Variants in FANCA observed in about 807,000 individuals in gnomAD.
FANCA encodes the protein FA complementation group A.
In FANCA, 236 loss-of-function variants were observed where a neutral mutation model predicts 194.3. The observed-to-expected ratio is 1.21, with a 90% CI of 1.09 to 1.35. The LOEUF (loss-of-function observed/expected upper bound fraction) is 1.35, where lower values mean the gene tolerates loss of function less well. FANCA is among the 40% of genes most tolerant of loss of function. The pLI is 0.00. For missense variants in FANCA, 2,628 were observed against 1,813.9 expected, an observed-to-expected ratio of 1.45 and a Z score of -8.15; for synonymous variants, 1,014 against 715.8, an observed-to-expected ratio of 1.42 and a Z score of -6.65.
rs908171971 is a variant in FANCA, at chr16:89,765,049, G to C, written c.2619C>G (p.Phe873Leu). The part of the protein sequence containing the change: ...GLIKKFQFLM[F>L]RLFSEARQPL... ...GCTGTCGGGCCTCTGAGAACAATCT[G>C]AACATGAGGAACTGAAACTGAAACA... The change falls in exon 28 of 43, where the codon TTC (phenylalanine) becomes TTG (leucine). Residue 873 changes from phenylalanine to leucine, a missense_variant. By Grantham distance (22) the Phe-to-Leu change is conservative (BLOSUM62 0). Transcript: ENST00000389301. 1.2e-6 allele frequency: 2 copies of C among 1,614,016 alleles called. No individual in the cohort carries two copies. Among genetic ancestry groups the C allele is most frequent in the African/African-American group, 2.7e-5 (2 of 74,940 alleles).
At chr16:89,755,893 C>A (rs2038752321) in intron 30 of FANCA, among the ~76,000 whole-genome samples, 1 of 150,552 alleles carries the variant, frequency 6.6e-6, no homozygotes, top group African/African-American at 2.4e-5. Context: ...GCCGCCCGCA[C>A]ACCTAGGCCA....
intron 32 of FANCA, 48 bp from the exon 33 acceptor site, chr16:89,748,815 G>A (rs2038480298): frequency 1.3e-6 from 2 of 1,486,746 alleles, no homozygotes; most frequent in African/African-American, 1.4e-5. Context: ...CGTACACTCT[G>A]CTCCTTCCCA....
At chr16:89,743,287 T>C (rs750430630) in intron 36 of FANCA, among the ~76,000 whole-genome samples, 9 of 152,336 alleles carry the variant, frequency 5.9e-5, no homozygotes, top group Admixed American at 4.6e-4. Context: ...GCCCTGTGGA[T>C]CAGGCATTCC....
chr16:89,747,163 C>G (rs1346745252), intron 33 of FANCA, among the ~76,000 whole-genome samples: 1 of 152,196 alleles, frequency 6.6e-6, no homozygotes. Context: ...GAGGCACAAG[C>G]AGCCGCAGGG....
chr16:89,770,322 C>T (rs1463096331), intron 24 of FANCA, 63 bp from the exon 25 acceptor site: 1 of 1,393,844 alleles, frequency 7.2e-7, no homozygotes, highest in Non-Finnish European at 1.0e-6. Flanking sequence ...CCTCCAACAG[C>T]TAATCCAACC....
intron 6 of FANCA, 25 bp from the exon 7 acceptor site, chr16:89,805,417 G>T: frequency 1.9e-6 from 3 of 1,565,856 alleles, no homozygotes; most frequent in Non-Finnish European, 2.6e-6. Context: ...AGAGGCAGAC[G>T]TAAGGCTCAA....
At chr16:89,757,011 C>T (rs909536767) in intron 30 of FANCA, among the ~76,000 whole-genome samples, 5 of 152,186 alleles carry the variant, frequency 3.3e-5, no homozygotes, top group Non-Finnish European at 7.3e-5. Flanking sequence ...TGGAGTCTCA[C>T]TCTGTCACAC....
chr16:89,782,130 C>G (rs1328836697), intron 17 of FANCA, among the ~76,000 whole-genome samples: 3 of 151,990 alleles, frequency 2.0e-5, no homozygotes, highest in African/African-American at 4.8e-5. Context: ...AATCCCAGCA[C>G]TTTGGGAGGC....
At position 89,749,869 on chromosome 16, in the gene FANCA, G is replaced by A. The variant is rs2143139771; in HGVS notation, c.3100C>T (p.Leu1034Phe). Residue 1034 changes from leucine to phenylalanine, a missense_variant, in exon 32 of 43, where the codon CTC (leucine) becomes TTC (phenylalanine). Coordinates refer to ENST00000389301, the MANE Select transcript of FANCA (RefSeq NM_000135.4). Reference sequence around the variant, plus strand: ...GGGGTGTGGCCGAGAGGCACTATGAGGTCTTGCTGCAGCTCCAGGTCAGCT... The same window carrying A: ...GGGGTGTGGCCGAGAGGCACTATGAAGTCTTGCTGCAGCTCCAGGTCAGCT... ...MVADLELQQD[L>F]IVPLGHTPSQ... is the part of the protein sequence containing the mutation. 2 of 1,614,196 alleles carry A rather than the reference G, an allele frequency of 1.2e-6. No individual in the cohort carries two copies. Among genetic ancestry groups the A allele is most frequent in the Non-Finnish European group, 1.7e-6 (2 of 1,180,034 alleles).
At chr16:89,794,763 G>C (rs138867331) in intron 11 of FANCA, among the ~76,000 whole-genome samples, 2 of 152,224 alleles carry the variant, frequency 1.3e-5, no homozygotes, top group Non-Finnish European at 2.9e-5. Flanking sequence ...GTTCATCGTG[G>C]CCTTATTCGT....
intron 18 of FANCA, among the ~76,000 whole-genome samples, chr16:89,779,393 T>C (rs2039625451): frequency 6.6e-6 from 1 of 152,048 alleles, no homozygotes; most frequent in Non-Finnish European, 1.5e-5. Flanking sequence ...CATACCAAAT[T>C]CAATAAAGCT....
chr16:89,760,137 C>T (rs1175543083), intron 29 of FANCA, among the ~76,000 whole-genome samples: 2 of 152,242 alleles, frequency 1.3e-5, no homozygotes, highest in African/African-American at 4.8e-5. Flanking sequence ...TTCCACGCAG[C>T]GGTGACCTGA....
At chr16:89,756,398 G>A (rs528296891) in intron 30 of FANCA, among the ~76,000 whole-genome samples, 5 of 152,308 alleles carry the variant, frequency 3.3e-5, no homozygotes, top group Middle Eastern at 3.4e-3. Context: ...GGAGGCCGAG[G>A]CGGGCAGATC....
chr16:89,739,013 T>C (rs771957724), intron 41 of FANCA, 39 bp from the exon 42 acceptor site: 59 of 1,613,930 alleles, frequency 3.7e-5, no homozygotes, highest in Non-Finnish European at 4.8e-5. Context: ...TTAGAAGACA[T>C]ACAGAAACAG....
At chr16:89,809,324 G>A (rs973360670) in intron 5 of FANCA, among the ~76,000 whole-genome samples, 3 of 152,174 alleles carry the variant, frequency 2.0e-5, no homozygotes, top group African/African-American at 7.2e-5. Flanking sequence ...ACTTCTTGTG[G>A]ATTTAGTGGC....
rs34267963 is a variant in FANCA at position 89,813,409 on chromosome 16, TAAA to T, written c.283+1108_283+1110del. Reference sequence around the variant, plus strand: ...GGCAACAGAGTGAGACCCTGTCTGTTAAAAAAAAAAAAAAAAGTAGACAATGCC... The same window carrying T: ...GGCAACAGAGTGAGACCCTGTCTGTTAAAAAAAAAAAAAGTAGACAATGCC... On this transcript the variant is annotated intron_variant, in intron 3 of 42. Coordinates refer to ENST00000389301, the MANE Select transcript of FANCA (RefSeq NM_000135.4). Among the ~76,000 whole-genome samples, 4 of 139,626 alleles carry T rather than the reference TAAA, an allele frequency of 2.9e-5. No individual in the cohort carries two copies. In the South Asian group the frequency reaches 9.4e-4, roughly 33 times the overall value. 91.6% of individuals were successfully genotyped at this position (139,626 alleles called of 152,430 possible). A position where few individuals can be genotyped will look rare whatever the true frequency, so the allele number is the denominator to read the frequency against.
chr16:89,784,413 C>A (rs1208136855), intron 15 of FANCA, among the ~76,000 whole-genome samples: 1 of 141,084 alleles, frequency 7.1e-6, no homozygotes, highest in African/African-American at 2.6e-5. Context: ...AAAAAACCCA[C>A]ATGAAATTAA....
chr16:89,746,017 C>G, intron 35 of FANCA, among the ~76,000 whole-genome samples: 1 of 152,146 alleles, frequency 6.6e-6, no homozygotes, highest in East Asian at 1.9e-4. Context: ...CCCTGATGAC[C>G]GAGAAGGAAG....
At chr16:89,777,695 T>C (rs2039556980) in intron 20 of FANCA, among the ~76,000 whole-genome samples, 2 of 152,178 alleles carry the variant, frequency 1.3e-5, no homozygotes, top group African/African-American at 4.8e-5. Context: ...ACCAACCAAC[T>C]TTCTTACTAG....
Sources: gnomAD v4.1 joint callset for allele counts (sites outside exome capture counted in the v4.1 genomes callset) on GRCh38, gnomAD v4.1.1 for gene constraint, MANE v1.5 for transcripts, NCBI Gene and HGNC (gene_info 2026-07-23, HGNC 2026-07-21) for gene names.